Variants in SAMD4A observed in about 807,000 individuals in gnomAD.
SAMD4A encodes protein Smaug homolog 1.
A neutral mutation model predicts 81.3 loss-of-function variants in SAMD4A; 33 were observed. That is an observed-to-expected ratio of 0.41 (90% CI 0.31 to 0.54). SAMD4A has a LOEUF of 0.54. SAMD4A is among the 20% of genes least tolerant of loss of function. SAMD4A has a pLI of 0.37. For missense variants in SAMD4A, 854 were observed against 951.1 expected (o/e 0.90, Z 1.34); for synonymous variants, 389 against 382.1 (o/e 1.02, Z -0.21).
intron 2 of SAMD4A, among the ~76,000 whole-genome samples, chr14:54,629,413 T>C (rs776912812): frequency 2.0e-5 from 3 of 152,222 alleles, no homozygotes; most frequent in Admixed American, 6.5e-5. Context: ...AATACAAATA[T>C]GTTTTTATTG....
chr14:54,567,657 GTT>G lies in SAMD4A; in HGVS notation c.-250_-249del. 7.3e-6 allele frequency: 3 copies of G among 409,396 alleles called. No individual in the cohort carries two copies. Among genetic ancestry groups the G allele is most frequent in the Admixed American group, 5.0e-5 (1 of 20,030 alleles). 25.4% of individuals were successfully genotyped at this position (409,396 alleles called of 1,614,324 possible). On this transcript the variant is annotated 5_prime_UTR_variant, in exon 2 of 13. Transcript: ENST00000554335. ...CCTTGTGGGGGATTTTTAAAAAGTC[GTT>G]TTTTTTTTTAAAGAAACATTTCCGT...
chr14:54,589,504 G>A (rs562405163), intron 2 of SAMD4A, among the ~76,000 whole-genome samples: 1 of 152,222 alleles, frequency 6.6e-6, no homozygotes, highest in Non-Finnish European at 1.5e-5. Context: ...TATGTAATAA[G>A]CCTATTGATA....
At chr14:54,584,513 C>T (rs1013460317) in intron 2 of SAMD4A, among the ~76,000 whole-genome samples, 28 of 152,188 alleles carry the variant, frequency 1.8e-4, no homozygotes, top group African/African-American at 6.3e-4. Context: ...AAAGAAGACT[C>T]TGTCAAGTTA....
At chr14:54,609,841 C>T (rs2034310626) in intron 2 of SAMD4A, among the ~76,000 whole-genome samples, 1 of 152,226 alleles carries the variant, frequency 6.6e-6, no homozygotes, top group Non-Finnish European at 1.5e-5. Flanking sequence ...CTTACAGGAC[C>T]AAAGACTTTA....
intron 3 of SAMD4A, among the ~76,000 whole-genome samples, chr14:54,733,160 C>G (rs2037600935): frequency 6.6e-6 from 1 of 152,144 alleles, no homozygotes; most frequent in African/African-American, 2.4e-5. Flanking sequence ...ATTATAAGAA[C>G]CTCTGAACTC....
intron 9 of SAMD4A, among the ~76,000 whole-genome samples, chr14:54,770,969 A>G (rs1349935748): frequency 6.6e-6 from 1 of 152,208 alleles, no homozygotes; most frequent in Non-Finnish European, 1.5e-5. Context: ...ATTCTATTTT[A>G]CACTTTTAAA....
chr14:54,678,244 A>G (rs1384606248), intron 2 of SAMD4A, among the ~76,000 whole-genome samples: 2 of 152,194 alleles, frequency 1.3e-5, no homozygotes, highest in African/African-American at 4.8e-5. Flanking sequence ...CTGTTTGTTC[A>G]GATTCTTCTT....
intron 3 of SAMD4A, among the ~76,000 whole-genome samples, chr14:54,718,578 T>TTGTTG (rs879283417): frequency 2.0e-5 from 3 of 152,212 alleles, no homozygotes; most frequent in African/African-American, 7.2e-5. Context: ...TGTTGTTGTT[T>TTGTTG]TTTCTAACTC....
At chr14:54,686,586 A>G (rs1201889592) in intron 2 of SAMD4A, among the ~76,000 whole-genome samples, 3 of 151,128 alleles carry the variant, frequency 2.0e-5, no homozygotes, top group Non-Finnish European at 4.4e-5. Flanking sequence ...GGAAGGGCTC[A>G]ATCTGACTGA....
intron 2 of SAMD4A, among the ~76,000 whole-genome samples, chr14:54,661,138 T>C (rs2035634678): frequency 6.6e-6 from 1 of 152,224 alleles, no homozygotes; most frequent in Non-Finnish European, 1.5e-5. Flanking sequence ...TCAAGCAAGA[T>C]CATAAAGTAG....
intron 2 of SAMD4A, among the ~76,000 whole-genome samples, chr14:54,673,470 T>C (rs1001817982): frequency 6.6e-6 from 1 of 152,212 alleles, no homozygotes; most frequent in Non-Finnish European, 1.5e-5. Context: ...TACTCAACCA[T>C]GGGTTTTGTG....
intron 2 of SAMD4A, among the ~76,000 whole-genome samples, chr14:54,635,216 A>C (rs2035006472): frequency 6.6e-6 from 1 of 151,894 alleles, no homozygotes; most frequent in Admixed American, 6.6e-5. Flanking sequence ...TGAGGACAGG[A>C]GTTCAAGACC....
intron 2 of SAMD4A, among the ~76,000 whole-genome samples, chr14:54,621,514 TA>T (rs758059084): frequency 7.8e-5 from 11 of 141,536 alleles, no homozygotes; most frequent in Non-Finnish European, 1.5e-4. Context: ...CATGCCCAAA[TA>T]ATTTTTTTTT....
At chr14:54,673,848 C>T (rs1056059437) in intron 2 of SAMD4A, among the ~76,000 whole-genome samples, 1 of 152,188 alleles carries the variant, frequency 6.6e-6, no homozygotes, top group African/African-American at 2.4e-5. Flanking sequence ...TAATGGCTAT[C>T]GCTCTTAAAC....
chr14:54,761,844 C>T (rs1201564023), intron 7 of SAMD4A, among the ~76,000 whole-genome samples: 1 of 152,210 alleles, frequency 6.6e-6, no homozygotes, highest in Non-Finnish European at 1.5e-5. Context: ...TTCACCTGCC[C>T]CACGTCCCCC....
intron 7 of SAMD4A, among the ~76,000 whole-genome samples, chr14:54,761,395 G>A (rs1022043530): frequency 6.6e-6 from 1 of 152,154 alleles, no homozygotes; most frequent in Non-Finnish European, 1.5e-5. Flanking sequence ...CCGCTGTGAG[G>A]TGACAAAATC....
chr14:54,724,286 C>T (rs1403187244), intron 3 of SAMD4A, among the ~76,000 whole-genome samples: 1 of 152,146 alleles, frequency 6.6e-6, no homozygotes, highest in Middle Eastern at 3.2e-3. Context: ...CACAGGCTTG[C>T]AAGTGAGAGA....
At chr14:54,666,136 A>G (rs1037450281) in intron 2 of SAMD4A, among the ~76,000 whole-genome samples, 1 of 152,194 alleles carries the variant, frequency 6.6e-6, no homozygotes, top group African/African-American at 2.4e-5. Context: ...ATGAGGCATA[A>G]GAAGAAGCAC....
At chr14:54,730,776 A>T (rs2037542264) in intron 3 of SAMD4A, among the ~76,000 whole-genome samples, 1 of 152,108 alleles carries the variant, frequency 6.6e-6, no homozygotes, top group South Asian at 2.1e-4. Context: ...TGTTTGCATG[A>T]TGTCACTGAT....
Sources: gnomAD v4.1 joint callset for allele counts (sites outside exome capture counted in the v4.1 genomes callset) on GRCh38, gnomAD v4.1.1 for gene constraint, MANE v1.5 for transcripts, NCBI Gene and HGNC (gene_info 2026-07-23, HGNC 2026-07-21) for gene names.